The following SLC30A4 variants were observed in gnomAD, a reference collection of about 807,000 sequenced individuals.
SLC30A4 encodes solute carrier family 30 member 4, also known as probable proton-coupled zinc antiporter SLC30A4.
A neutral mutation model predicts 41.7 loss-of-function variants in SLC30A4; 20 were observed. The observed-to-expected ratio is 0.48, with a 90% CI of 0.34 to 0.70. The LOEUF (loss-of-function observed/expected upper bound fraction) is 0.70. SLC30A4 is among the 30% of genes least tolerant of loss of function. The pLI is 0.01. For missense variants in SLC30A4, 441 were observed against 529.3 expected, an observed-to-expected ratio of 0.83 and a Z score of 1.64; for synonymous variants, 181 against 195.9, an observed-to-expected ratio of 0.92 and a Z score of 0.64.
At position 45,522,462 on chromosome 15, in the gene SLC30A4, C is replaced by A; in HGVS notation, c.-108G>T. On this transcript the variant is annotated 5_prime_UTR_variant, in exon 2 of 8. An upstream open reading frame in the 5' UTR gains an earlier in-frame stop. Transcript: ENST00000261867. ...CTCGAGGGCAGTGCCGCGCGTCCCT[C>A]CCCATCCTGTGGAAAACGAAACACG... 1 of 1,067,230 alleles carries A rather than the reference C, an allele frequency of 9.4e-7. No homozygotes were observed. Among genetic ancestry groups the A allele is most frequent in the Non-Finnish European group, 1.3e-6 (1 of 758,336 alleles). The allele number at this position is 1,067,230 out of a possible 1,614,324, so 66.1% of individuals were successfully genotyped here. A position where few individuals can be genotyped will look rare whatever the true frequency, so the allele number is the denominator to read the frequency against.
At chr15:45,509,882 C>T (rs1892244199) in intron 3 of SLC30A4, among the ~76,000 whole-genome samples, 1 of 152,038 alleles carries the variant, frequency 6.6e-6, no homozygotes, top group East Asian at 1.9e-4. Context: ...AAAGGATGAC[C>T]CCCTTGTAGG....
At chr15:45,505,335 T>A (rs1892133420) in intron 3 of SLC30A4, among the ~76,000 whole-genome samples, 1 of 151,370 alleles carries the variant, frequency 6.6e-6, no homozygotes, top group Admixed American at 6.6e-5. Flanking sequence ...GAGAATGTGA[T>A]CTTTTAAAGC....
At chr15:45,499,921 C>G (rs560978522) in intron 3 of SLC30A4, among the ~76,000 whole-genome samples, 31 of 152,274 alleles carry the variant, frequency 2.0e-4, no homozygotes, top group African/African-American at 7.5e-4. Flanking sequence ...AGCAACAGAA[C>G]AGAACTGACT....
At chr15:45,518,501 G>A (rs934054377) in intron 2 of SLC30A4, among the ~76,000 whole-genome samples, 1 of 152,166 alleles carries the variant, frequency 6.6e-6, no homozygotes, top group East Asian at 1.9e-4. Context: ...CCTTTACGAA[G>A]GTCTCAGAGC....
intron 5 of SLC30A4, among the ~76,000 whole-genome samples, chr15:45,488,268 C>T (rs944578588): frequency 6.6e-6 from 1 of 152,090 alleles, no homozygotes; most frequent in East Asian, 1.9e-4. Flanking sequence ...AATTCAATCA[C>T]GAGTTTTAAA....
chr15:45,515,437 G>A (rs1186570739), intron 2 of SLC30A4, among the ~76,000 whole-genome samples: 1 of 152,004 alleles, frequency 6.6e-6, no homozygotes, highest in Non-Finnish European at 1.5e-5. Context: ...GGTGGATCAC[G>A]AGGTCAGGAG....
At chr15:45,518,583 G>GAC (rs199765574) in intron 2 of SLC30A4, among the ~76,000 whole-genome samples, 1 of 141,182 alleles carries the variant, frequency 7.1e-6, no homozygotes, top group Non-Finnish European at 1.5e-5. Context: ...CCTTCTTTTT[G>GAC]AGAGAGTCTC....
intron 2 of SLC30A4, among the ~76,000 whole-genome samples, chr15:45,520,246 AC>A (rs1892623662): frequency 6.6e-6 from 1 of 151,478 alleles, no homozygotes; most frequent in Non-Finnish European, 1.5e-5. Flanking sequence ...AATTTTTATT[AC>A]TTATTTATTT....
chr15:45,518,123 C>T (rs755332225), intron 2 of SLC30A4, among the ~76,000 whole-genome samples: 5 of 152,160 alleles, frequency 3.3e-5, no homozygotes, highest in South Asian at 2.1e-4. Context: ...TAATTCCTTT[C>T]GAAGAATTGA....
chr15:45,522,519 A>G, intron 1 of SLC30A4, 51 bp from the exon 2 acceptor site: 1 of 670,396 alleles, frequency 1.5e-6, no homozygotes, highest in Non-Finnish European at 2.3e-6. Context: ...CCCTGTCCTC[A>G]AGTTCCGAAG....
chr15:45,489,607 C>T (rs1489000626), intron 4 of SLC30A4, among the ~76,000 whole-genome samples: 2 of 113,764 alleles, frequency 1.8e-5, no homozygotes, highest in African/African-American at 7.2e-5. Flanking sequence ...TGATTACATT[C>T]AGGGACTGTT....
In SLC30A4 at chr15:45,481,845, T is replaced by C. The variant is rs909212071; in HGVS notation, c.*3318A>G. The C allele has an allele frequency of 2.6e-5, 4 of 152,088 alleles. No homozygotes were observed. Among genetic ancestry groups the C allele is most frequent in the South Asian group, 2.1e-4 (1 of 4,824 alleles). 9.4% of individuals were successfully genotyped at this position (152,088 alleles called of 1,614,324 possible). A position where few individuals can be genotyped will look rare whatever the true frequency, so the allele number is the denominator to read the frequency against. ...CTCCGTAAGGTAAAGATACAAACTA[T>C]GTACTTTTTCCTACAAAAACAAAGC... On this transcript the variant is annotated 3_prime_UTR_variant, in exon 8 of 8. Transcript: ENST00000261867.
intron 5 of SLC30A4, among the ~76,000 whole-genome samples, chr15:45,488,393 C>T (rs570137026): frequency 1.7e-4 from 26 of 151,906 alleles, no homozygotes; most frequent in African/African-American, 4.4e-4. Flanking sequence ...GCCAACATGG[C>T]GAAACCTTGT....
chr15:45,509,648 G>A (rs1171466567), intron 3 of SLC30A4, among the ~76,000 whole-genome samples: 1 of 152,110 alleles, frequency 6.6e-6, no homozygotes, highest in Non-Finnish European at 1.5e-5. Context: ...GAGTACGGAG[G>A]GGTGGGGATG....
chr15:45,502,324 A>G (rs1892052749), intron 3 of SLC30A4: 1 of 152,190 alleles, frequency 6.6e-6, no homozygotes, highest in South Asian at 2.1e-4. Context: ...ACCTCAGGTG[A>G]TCCACTAGCC....
Position 45,487,911 on chromosome 15 carries a change from A to AGTGTGTGTGTGTGTGT in SLC30A4, c.895-295_895-280dup, listed in dbSNP as rs145350286. Among the ~76,000 whole-genome samples the AGTGTGTGTGTGTGTGT allele has an allele frequency of 1.8e-3, 246 of 137,650 alleles. 3 individuals are homozygous for AGTGTGTGTGTGTGTGT. The highest frequency in any genetic ancestry group is 6.3e-3 in the African/African-American group (228 of 36,438). 90.3% of individuals were successfully genotyped at this position (137,650 alleles called of 152,430 possible). A position where few individuals can be genotyped will look rare whatever the true frequency, so the allele number is the denominator to read the frequency against. ...AGAATATCAGAGCTGGAAAGAAGTA[A>AGTGTGTGTGTGTGTGT]GTGTGTGTGTGTGTGTGTGTGTGTG... On this transcript the variant is annotated intron_variant, in intron 5 of 7. Transcript: ENST00000261867.
intron 2 of SLC30A4, among the ~76,000 whole-genome samples, chr15:45,511,969 T>G (rs1034463030): frequency 1.3e-5 from 2 of 152,190 alleles, no homozygotes; most frequent in African/African-American, 4.8e-5. Flanking sequence ...AAAAGAAGGG[T>G]GTTCACTTGT....
chr15:45,511,322 A>T (rs1388206347), intron 2 of SLC30A4, 38 bp from the exon 3 acceptor site: 3 of 1,468,996 alleles, frequency 2.0e-6, no homozygotes, highest in African/African-American at 2.8e-5. Context: ...GAACAAGTTA[A>T]TTTTTTAAAA....
chr15:45,518,000 C>T (rs1165693508), intron 2 of SLC30A4, among the ~76,000 whole-genome samples: 2 of 152,170 alleles, frequency 1.3e-5, no homozygotes, highest in African/African-American at 2.4e-5. Context: ...CTTTCCATTG[C>T]ACTTAAAATA....
Sources: gnomAD v4.1 joint callset for allele counts (sites outside exome capture counted in the v4.1 genomes callset) on GRCh38, gnomAD v4.1.1 for gene constraint, MANE v1.5 for transcripts, NCBI Gene and HGNC (gene_info 2026-07-23, HGNC 2026-07-21) for gene names.